RELCH: variants seen among roughly 807,000 people sequenced by gnomAD.
RELCH encodes the protein RAB11-binding protein RELCH.
A neutral mutation model predicts 150.3 loss-of-function variants in RELCH; 41 were observed. That is an observed-to-expected ratio of 0.27 (90% CI 0.21 to 0.35). The LOEUF (loss-of-function observed/expected upper bound fraction) is 0.35, where lower values mean the gene tolerates loss of function less well. Among genes scored for constraint, RELCH ranks in the 10% least tolerant of loss-of-function variants. The probability of loss-of-function intolerance (pLI) is 1.00; values close to 1 mark genes in which losing one functional copy is unlikely to be tolerated. For synonymous variants in RELCH, 478 were observed against 531.8 expected (o/e 0.90, Z 1.39); for missense variants, 1,092 against 1,467.8 (o/e 0.74, Z 4.18).
intron 15 of RELCH, among the ~76,000 whole-genome samples, chr18:62,259,074 A>T (rs2043132333): frequency 6.6e-6 from 1 of 152,036 alleles, no homozygotes; most frequent in Non-Finnish European, 1.5e-5. Flanking sequence ...AACTGTGGTT[A>T]TTCCACTCCA....
chr18:62,290,643 G>A (rs1041001508), intron 26 of RELCH, among the ~76,000 whole-genome samples: 10 of 152,144 alleles, frequency 6.6e-5, no homozygotes, highest in Non-Finnish European at 1.5e-4. Context: ...CAGAATTGAC[G>A]GGAATGAACA....
At chr18:62,280,562 C>A (rs1204915996) in intron 23 of RELCH, 84 bp from the exon 24 acceptor site, 9 of 1,284,248 alleles carry the variant, frequency 7.0e-6, no homozygotes, top group Non-Finnish European at 9.0e-6. Context: ...AGTATATTTA[C>A]CTTGTACTTA....
intron 5 of RELCH, among the ~76,000 whole-genome samples, chr18:62,225,431 C>A (rs1431943519): frequency 6.6e-6 from 1 of 151,878 alleles, no homozygotes; most frequent in African/African-American, 2.4e-5. Context: ...TTGCAAGTAA[C>A]ATATCTAATA....
chr18:62,225,320 A>G (rs1297192266), intron 5 of RELCH, among the ~76,000 whole-genome samples: 1 of 152,030 alleles, frequency 6.6e-6, no homozygotes, highest in Non-Finnish European at 1.5e-5. Flanking sequence ...TGACACAAAA[A>G]GCATGATGTT....
At chr18:62,265,952 C>G (rs996655692) in intron 18 of RELCH, among the ~76,000 whole-genome samples, 7 of 151,918 alleles carry the variant, frequency 4.6e-5, no homozygotes, top group Middle Eastern at 3.4e-3. Flanking sequence ...GTATTTTTCA[C>G]TAGCATTCAG....
chr18:62,304,810 C>A (rs2939416), intron 28 of RELCH, among the ~76,000 whole-genome samples: 1 of 152,010 alleles, frequency 6.6e-6, no homozygotes, highest in Admixed American at 6.6e-5. Context: ...AAGAAATGGA[C>A]TCGAAACTGT....
At chr18:62,261,436 G>T in intron 15 of RELCH, 75 bp from the exon 16 acceptor site, 2 of 1,371,082 alleles carry the variant, frequency 1.5e-6, no homozygotes, top group South Asian at 1.3e-5. Context: ...CAGTAAGGAA[G>T]AACATCATAC....
At position 62,217,870 on chromosome 18, in the gene RELCH, A is replaced by G. The variant is rs568738912; in HGVS notation, c.617-3167A>G. On this transcript the variant is annotated intron_variant, in intron 2 of 28. Coordinates refer to ENST00000644646, the MANE Select transcript of RELCH (RefSeq NM_001346231.2). ...AATTTTTTTTAAGGCTGTGGGAAAG[A>G]GGATGCTTTGTTCCCACCAAGTTGA... Among the ~76,000 whole-genome samples the G allele has an allele frequency of 2.0e-5, 3 of 152,118 alleles. No individual in the cohort carries two copies. The East Asian group carries it at 5.8e-4, about 29-fold the overall frequency.
chr18:62,188,926 TATTA>T (rs1318942073), intron 1 of RELCH, among the ~76,000 whole-genome samples: 2 of 152,230 alleles, frequency 1.3e-5, no homozygotes, highest in African/African-American at 4.8e-5. Context: ...TGAGGCCATA[TATTA>T]ATTCTATATT....
intron 5 of RELCH, 143 bp downstream of exon 5, chr18:62,221,640 G>T: frequency 4.5e-6 from 2 of 444,232 alleles, no homozygotes. Flanking sequence ...GCAGTCTCTT[G>T]CCTGAAGCTA....
In RELCH at chr18:62,307,790, T is replaced by C. The variant is rs1266154745; in HGVS notation, c.*2256T>C. 6.6e-6 allele frequency: 1 copy of C among 152,212 alleles called. No individual in the cohort carries two copies. The highest frequency in any genetic ancestry group is 1.5e-5 in the Non-Finnish European group (1 of 68,030). 9.4% of individuals were successfully genotyped at this position (152,212 alleles called of 1,614,324 possible). ...AAGCTAATTTGAAATTATACCTGTGTTTCCAGAGTAATCCAGAGATTAAAT... is the reference window on the plus strand; with the variant it reads ...AAGCTAATTTGAAATTATACCTGTGCTTCCAGAGTAATCCAGAGATTAAAT... On this transcript the variant is annotated 3_prime_UTR_variant, in exon 29 of 29. Coordinates refer to ENST00000644646, the MANE Select transcript of RELCH (RefSeq NM_001346231.2).
intron 26 of RELCH, among the ~76,000 whole-genome samples, chr18:62,291,024 T>C (rs1471267039): frequency 1.3e-5 from 2 of 152,202 alleles, no homozygotes; most frequent in African/African-American, 2.4e-5. Flanking sequence ...GATTTGCAGG[T>C]TAAAGTTCTT....
intron 1 of RELCH, among the ~76,000 whole-genome samples, chr18:62,199,881 C>G: frequency 6.6e-6 from 1 of 152,124 alleles, no homozygotes; most frequent in Non-Finnish European, 1.5e-5. Flanking sequence ...GGTAATGACT[C>G]CTTTAGCACA....
chr18:62,196,154 C>T (rs2039026822), intron 1 of RELCH, among the ~76,000 whole-genome samples: 1 of 152,132 alleles, frequency 6.6e-6, no homozygotes. Flanking sequence ...AAGTAGTTCC[C>T]CTCTGTTAAG....
chr18:62,234,663 A>T (rs1477781802), intron 10 of RELCH, among the ~76,000 whole-genome samples: 4 of 151,938 alleles, frequency 2.6e-5, no homozygotes. Context: ...TAATGTAAAA[A>T]AAATGTACAA....
At chr18:62,229,485 GGTGTGTGTGTGT>G (rs58842870) in intron 8 of RELCH, among the ~76,000 whole-genome samples, 5 of 143,320 alleles carry the variant, frequency 3.5e-5, no homozygotes, top group South Asian at 2.3e-4. Context: ...GTATAGTAGG[GGTGTGTGTGTGT>G]GTGTGTGTGT....
intron 1 of RELCH, among the ~76,000 whole-genome samples, chr18:62,194,178 G>A (rs1243535336): frequency 6.6e-6 from 1 of 152,176 alleles, no homozygotes; most frequent in Non-Finnish European, 1.5e-5. Flanking sequence ...AGCCCAGGTG[G>A]CCAAGGCTGC....
intron 16 of RELCH, among the ~76,000 whole-genome samples, chr18:62,263,153 A>C (rs2043361433): frequency 6.6e-6 from 1 of 152,058 alleles, no homozygotes; most frequent in Non-Finnish European, 1.5e-5. Context: ...TTTCCAAATA[A>C]GATCCCATTC....
intron 13 of RELCH, among the ~76,000 whole-genome samples, chr18:62,256,585 A>G (rs1472958762): frequency 2.6e-5 from 4 of 152,020 alleles, no homozygotes; most frequent in African/African-American, 4.8e-5. Context: ...AATAGATACA[A>G]TGTTTCCTCA....
Sources: allele counts gnomAD v4.1 joint callset (sites outside exome capture counted in the v4.1 genomes callset), GRCh38; gene constraint gnomAD v4.1.1; transcripts MANE v1.5; gene names NCBI Gene and HGNC (gene_info 2026-07-23, HGNC 2026-07-21).